The following FCRLA variants were observed in gnomAD, a reference collection of about 807,000 sequenced individuals.
FCRLA encodes Fc receptor like A.
In FCRLA, 26 loss-of-function variants were observed where a neutral mutation model predicts 28.4. That is an observed-to-expected ratio of 0.91 (90% CI 0.67 to 1.27). The LOEUF (loss-of-function observed/expected upper bound fraction) is 1.27, where lower values mean the gene tolerates loss of function less well. FCRLA is among the 50% of genes most tolerant of loss of function. The pLI is 0.00. For synonymous variants in FCRLA, 174 were observed against 168.5 expected (o/e 1.03, Z -0.25); for missense variants, 422 against 433.1 (o/e 0.97, Z 0.23).
At position 161,713,214 on chromosome 1, in the gene FCRLA, G is replaced by C; in HGVS notation, c.914G>C (p.Gly305Ala). ...PPPTPSSEDP[G>A]FSSPLGMPDP... Reference sequence around the variant, plus strand: ...CCAACCCCATCTTCTGAGGATCCAGGCTTTTCTTCTCCTCTGGGGATGCCA... The same window carrying C: ...CCAACCCCATCTTCTGAGGATCCAGCCTTTTCTTCTCCTCTGGGGATGCCA... The change falls in exon 5 of 5, where the codon GGC becomes GCC. Residue 305 changes from glycine (G) to alanine (A), a missense_variant. By Grantham distance (60) the Gly-to-Ala change is moderately conservative. Coordinates refer to ENST00000236938, the MANE Select transcript of FCRLA (RefSeq NM_032738.4). The C allele has an allele frequency of 6.2e-7, 1 of 1,614,198 alleles. No homozygotes were observed. The highest frequency in any genetic ancestry group is 8.5e-7 in the Non-Finnish European group (1 of 1,180,036).
intron 4 of FCRLA, among the ~76,000 whole-genome samples, chr1:161,712,571 T>C (rs1218309696): frequency 2.0e-5 from 3 of 152,192 alleles, no homozygotes; most frequent in African/African-American, 7.2e-5. Context: ...TGGGAGCCAC[T>C]GTTAAGAGGC....
Position 161,708,124 on chromosome 1 carries a change from G to A in FCRLA, c.79+781G>A, listed in dbSNP as rs570374392. ...ACATATCTACCTACATATCTCACAA[G>A]TGTCTCTGCACCATGTGACTAGAGT... is the stretch of plus-strand genomic sequence containing the variant. On this transcript the variant is annotated intron_variant, in intron 1 of 4. Transcript: ENST00000236938. Among the ~76,000 whole-genome samples the A allele has an allele frequency of 5.9e-5, 9 of 152,212 alleles. No homozygotes were observed. The South Asian group carries it at 1.0e-3, about 18-fold the overall frequency.
rs778113827 is a variant in FCRLA at position 161,711,459 on chromosome 1, G to A, written c.484G>A (p.Ala162Thr). The A allele has an allele frequency of 4.3e-6, 7 of 1,613,600 alleles. No individual in the cohort carries two copies. Among genetic ancestry groups the A allele is most frequent in the East Asian group, 2.2e-5 (1 of 44,868 alleles). ...PGIPETASVV[A>T]ITVQELFPAP... The stretch of plus-strand genomic sequence containing the variant: ...GATCCCAGAAACAGCATCTGTTGTG[G>A]CTATCACAGTCCAAGGTGAGAGCTA... Residue 162 changes from alanine (A) to threonine (T), a missense_variant, in exon 3 of 5, where the codon GCT becomes ACT. Physicochemically the swap from Ala to Thr is moderately conservative, Grantham distance 58. Transcript: ENST00000236938.
chr1:161,709,241 T>C (rs1682976742), intron 1 of FCRLA, among the ~76,000 whole-genome samples: 1 of 152,092 alleles, frequency 6.6e-6, no homozygotes, highest in Admixed American at 6.6e-5. Context: ...AATCGTCCTA[T>C]CTCAGCCTCC....
chr1:161,712,434 G>A (rs1683151755), intron 4 of FCRLA, among the ~76,000 whole-genome samples: 1 of 152,142 alleles, frequency 6.6e-6, no homozygotes, highest in African/African-American at 2.4e-5. Flanking sequence ...ACCAGACCAA[G>A]AGCTGAGCCA....
rs1683186342 is a variant in FCRLA, at chr1:161,713,097, C to G, written c.797C>G (p.Ser266Cys). 1 of 1,613,252 alleles carries G rather than the reference C, an allele frequency of 6.2e-7. No homozygotes were observed. The highest frequency in any genetic ancestry group is 8.5e-7 in the Non-Finnish European group (1 of 1,179,712). ...CCCCATAATTCAGGTGCTTCCAGCT[C>G]TGCTGCACCTCCCACATTGAATCCA... ...LEIRVQGASS[S>C]AAPPTLNPAP... The change falls in exon 5 of 5, where the codon TCT becomes TGT. Residue 266 changes from serine to cysteine, a missense_variant. Around this residue, in one of 3 missense-constraint regions of FCRLA, gnomAD observed 185 missense variants for 198.1 expected, o/e 0.93. Coordinates refer to ENST00000236938, the MANE Select transcript of FCRLA (RefSeq NM_032738.4).
rs1683106672 is a variant in FCRLA, at chr1:161,711,602, C to T, written c.499+128C>T. 1.2e-5 allele frequency: 15 copies of T among 1,270,530 alleles called. No homozygotes were observed. The East Asian group carries it at 3.5e-4, about 30-fold the overall frequency. The allele number at this position is 1,270,530 out of a possible 1,614,324, so 78.7% of individuals were successfully genotyped here. A position where few individuals can be genotyped will look rare whatever the true frequency, so the allele number is the denominator to read the frequency against. ...CTATGGAGCAGGTTGCTGGCAAATG[C>T]CCAAGTTGGGCTTCGAAAGGGACGA... On this transcript the variant is annotated intron_variant, in intron 3 of 4. Coordinates refer to ENST00000236938, the MANE Select transcript of FCRLA (RefSeq NM_032738.4).
chr1:161,710,637 T>A, intron 1 of FCRLA, 123 bp from the exon 2 acceptor site: 9 of 1,405,680 alleles, frequency 6.4e-6, no homozygotes, highest in Admixed American at 6.0e-5. Flanking sequence ...AAAAAAAAGG[T>A]TTTGATGTCT....
intron 2 of FCRLA, 53 bp from the exon 3 acceptor site, chr1:161,711,155 G>C (rs1683079102): frequency 6.4e-7 from 1 of 1,563,774 alleles, no homozygotes; most frequent in African/African-American, 1.4e-5. Context: ...ATGCTTGGGG[G>C]TGGCCCCCAA....
At chr1:161,710,513 A>T (rs1405488195) in intron 1 of FCRLA, 2 of 1,549,628 alleles carry the variant, frequency 1.3e-6, no homozygotes, top group Non-Finnish European at 8.7e-7. Context: ...CCATTCTTTC[A>T]TTCTCTCCCC....
chr1:161,710,792 C>A lies in FCRLA; in HGVS notation c.112C>A (p.Pro38Thr). The stretch of plus-strand genomic sequence containing the variant: ...TTTTGAGACGCTGCAGTGTGAGGGA[C>A]CTGTCTGCACTGAGGAGAGCAGCTG... Reference protein sequence around the residue: ...ASFETLQCEGPVCTEESSCHT... With the variant: ...ASFETLQCEGTVCTEESSCHT... Residue 38 changes from proline to threonine, a missense_variant, in exon 2 of 5, where the codon CCT becomes ACT. Physicochemically the swap from Pro to Thr is conservative, Grantham distance 38. This residue lies in a region of FCRLA where 231 missense variants were observed against 214.6 expected (regional missense o/e 1.08). Coordinates refer to ENST00000236938, the MANE Select transcript of FCRLA (RefSeq NM_032738.4). 2.5e-6 allele frequency: 4 copies of A among 1,614,086 alleles called. No individual in the cohort carries two copies. Among genetic ancestry groups the A allele is most frequent in the Non-Finnish European group, 3.4e-6 (4 of 1,180,018 alleles).
At position 161,711,233 on chromosome 1, in the gene FCRLA, C is replaced by T; in HGVS notation, c.258C>T (p.Ala86=). ...ACTGGCTGATCCTCCAAGGTCCAGC[C>T]AAGCCAGTTTTTGAAGGGGACCTGC... ...SYDWLILQGP[A]KPVFEGDLLV... is the part of the protein sequence containing the mutation. Residue 86 remains alanine (A), a synonymous_variant, in exon 3 of 5, where the codon GCC becomes GCT. Transcript: ENST00000236938. 1 of 1,613,836 alleles carries T rather than the reference C, an allele frequency of 6.2e-7. No individual in the cohort carries two copies. Among genetic ancestry groups the T allele is most frequent in the Non-Finnish European group, 8.5e-7 (1 of 1,179,908 alleles).
At position 161,713,291 on chromosome 1, in the gene FCRLA, G is replaced by A. The variant is rs765827893; in HGVS notation, c.991G>A (p.Val331Met). The A allele has an allele frequency of 1.4e-5, 22 of 1,614,114 alleles. No homozygotes were observed. Among genetic ancestry groups the A allele is most frequent in the Non-Finnish European group, 1.8e-5 (21 of 1,180,044 alleles). Reference protein sequence around the residue: ...MGLLLKHMQDVRVLLGHLLME... With the variant: ...MGLLLKHMQDMRVLLGHLLME... The stretch of plus-strand genomic sequence containing the variant: ...CCTTCTTCTCAAACACATGCAGGAT[G>A]TGAGAGTCCTCCTCGGTCACCTGCT... Residue 331 changes from valine to methionine, a missense_variant, in exon 5 of 5, where the codon GTG (valine) becomes ATG (methionine). Val to Met is a conservative substitution (Grantham distance 21). Around this residue, in one of 3 missense-constraint regions of FCRLA, gnomAD observed 185 missense variants for 198.1 expected, o/e 0.93. Coordinates refer to ENST00000236938, the MANE Select transcript of FCRLA (RefSeq NM_032738.4).
intron 1 of FCRLA, chr1:161,710,525 C>T (rs1359628325): frequency 1.9e-6 from 3 of 1,549,370 alleles, no homozygotes; most frequent in Non-Finnish European, 2.6e-6. Flanking sequence ...TCTCTCCCCT[C>T]CCTCTTCTCC....
In FCRLA at chr1:161,712,105, A is replaced by C; in HGVS notation, c.671A>C (p.Glu224Ala). The C allele has an allele frequency of 6.2e-7, 1 of 1,614,148 alleles. No homozygotes were observed. The highest frequency in any genetic ancestry group is 2.2e-5 in the East Asian group (1 of 44,878). Residue 224 changes from glutamate (E) to alanine (A), a missense_variant, in exon 4 of 5, where the codon GAA becomes GCA. Coordinates refer to ENST00000236938, the MANE Select transcript of FCRLA (RefSeq NM_032738.4). ...RIVQSRGLSS[E>A]FQIPTASEDH... The stretch of plus-strand genomic sequence containing the variant: ...GTGCAAAGCAGGGGGCTCTCCTCAG[A>C]ATTCCAGATCCCCACAGCTTCAGAA...
chr1:161,707,252 A>G lies in FCRLA; in HGVS notation c.-13A>G, dbSNP rs757694210. 1 of 1,614,028 alleles carries G rather than the reference A, an allele frequency of 6.2e-7. No homozygotes were observed. Among genetic ancestry groups the G allele is most frequent in the South Asian group, 1.1e-5 (1 of 91,084 alleles). The stretch of plus-strand genomic sequence containing the variant: ...TCAGTGTTGGGGTTGCAGGAGACCT[A>G]AACACAGTCACCATGAAGCTGGGCT... On this transcript the variant is annotated 5_prime_UTR_variant, in exon 1 of 5. Transcript: ENST00000236938.
Position 161,707,299 on chromosome 1 carries a change from T to C in FCRLA, c.35T>C (p.Leu12Pro). Residue 12 changes from leucine (L) to proline (P), a missense_variant, in exon 1 of 5, where the codon CTC becomes CCC. Leu to Pro is a moderately conservative substitution (Grantham distance 98, BLOSUM62 -3). Transcript: ENST00000236938. The part of the protein sequence containing the change: ...KLGCVLMAWA[L>P]YLSLGVLWVA... ...GGCTGTGTCCTCATGGCCTGGGCCC[T>C]CTACCTTTCCCTTGGTGTGCTCTGG... 1 of 1,613,578 alleles carries C rather than the reference T, an allele frequency of 6.2e-7. No homozygotes were observed. The highest frequency in any genetic ancestry group is 1.7e-5 in the Admixed American group (1 of 59,936).
chr1:161,713,632 C>A lies in FCRLA; in HGVS notation c.*252C>A, dbSNP rs1252036448. ...CAGGAATTTCTATCTGTTATATCGA[C>A]CAGAATGTTGTGATTTAAAGAGAAC... On this transcript the variant is annotated 3_prime_UTR_variant, in exon 5 of 5. Coordinates refer to ENST00000236938, the MANE Select transcript of FCRLA (RefSeq NM_032738.4). 1.8e-5 allele frequency: 7 copies of A among 379,244 alleles called. No individual in the cohort carries two copies. The highest frequency in any genetic ancestry group is 3.3e-5 in the Non-Finnish European group (7 of 211,460). 23.5% of individuals were successfully genotyped at this position (379,244 alleles called of 1,614,324 possible).
chr1:161,711,765 T>A (rs1683113189), intron 3 of FCRLA, 169 bp from the exon 4 acceptor site: 5 of 887,710 alleles, frequency 5.6e-6, no homozygotes, highest in Non-Finnish European at 8.7e-6. Flanking sequence ...TCTTTCCTAG[T>A]CCTGTCTACT....
Sources: gnomAD v4.1 joint callset for allele counts (sites outside exome capture counted in the v4.1 genomes callset) on GRCh38, gnomAD v4.1.1 for gene constraint, gnomAD v4.1.1 regional missense constraint, MANE v1.5 for transcripts, NCBI Gene and HGNC (gene_info 2026-07-23, HGNC 2026-07-21) for gene names.